ASPH: variants seen among roughly 807,000 people sequenced by gnomAD.
The protein encoded by ASPH is aspartate beta-hydroxylase, also known as aspartyl/asparaginyl beta-hydroxylase.
A neutral mutation model predicts 118.4 loss-of-function variants in ASPH; 100 were observed. The ratio of observed to expected loss-of-function variants is 0.84; its 90% CI spans 0.72 to 1.00. ASPH has a LOEUF of 1.00. Among genes scored for constraint, ASPH ranks in the 50% least tolerant of loss-of-function variants. The pLI is 0.00. For synonymous variants in ASPH, 315 were observed against 325.6 expected, an observed-to-expected ratio of 0.97 and a Z score of 0.35; for missense variants, 920 against 919.5, an observed-to-expected ratio of 1.00 and a Z score of -0.01.
intron 21 of ASPH, among the ~76,000 whole-genome samples, chr8:61,537,990 T>C (rs1245043899): frequency 1.3e-5 from 2 of 152,248 alleles, no homozygotes; most frequent in Admixed American, 1.3e-4. Context: ...CTCAGCCGTG[T>C]GGACTCTTAT....
intron 13 of ASPH, chr8:61,626,080 G>T (rs1351101700): frequency 8.0e-7 from 1 of 1,244,068 alleles, no homozygotes; most frequent in African/African-American, 1.6e-5. Context: ...TTTTAGAAAT[G>T]TGTGTTTCTA....
At chr8:61,614,392 C>T (rs1480313325) in intron 14 of ASPH, among the ~76,000 whole-genome samples, 1 of 152,202 alleles carries the variant, frequency 6.6e-6, no homozygotes, top group African/African-American at 2.4e-5. Context: ...CAAATCCCAA[C>T]TGATAACTGA....
At chr8:61,605,482 TG>T (rs1436237285) in intron 14 of ASPH, among the ~76,000 whole-genome samples, 2 of 152,184 alleles carry the variant, frequency 1.3e-5, no homozygotes, top group African/African-American at 4.8e-5. Context: ...CCAGGAGACT[TG>T]TTCAAGATGA....
At chr8:61,619,184 C>T (rs981782588) in intron 13 of ASPH, among the ~76,000 whole-genome samples, 165 bp from the exon 14 acceptor site, 9 of 152,098 alleles carry the variant, frequency 5.9e-5, no homozygotes, top group African/African-American at 2.4e-5. Context: ...ACATGAAGTT[C>T]ATTAGAAAAG....
rs1467116669 is a variant in ASPH at position 61,578,626 on chromosome 8, T to C, written c.1063-1768A>G. The stretch of plus-strand genomic sequence containing the variant: ...CAGCAGAAGATGGCTCGGAGCAACA[T>C]GGACAACATGTTCGAGAGCTACATC... On this transcript the variant is annotated intron_variant, in intron 15 of 24. Transcript: ENST00000379454. 13 of 1,564,100 alleles carry C rather than the reference T, an allele frequency of 8.3e-6. No homozygotes were observed. In the East Asian group the frequency reaches 2.2e-4, roughly 27 times the overall value.
intron 21 of ASPH, among the ~76,000 whole-genome samples, chr8:61,528,653 G>A (rs757198613): frequency 2.6e-5 from 4 of 152,132 alleles, no homozygotes; most frequent in Non-Finnish European, 5.9e-5. Context: ...TAAAGTGATT[G>A]CATCACTCAA....
chr8:61,530,808 G>A (rs560468917), intron 21 of ASPH, among the ~76,000 whole-genome samples: 13 of 152,006 alleles, frequency 8.6e-5, no homozygotes, highest in Middle Eastern at 3.4e-3. Flanking sequence ...TATAACTCCC[G>A]GCTAATTATT....
At chr8:61,553,500 C>T (rs997519845) in intron 19 of ASPH, among the ~76,000 whole-genome samples, 4 of 152,152 alleles carry the variant, frequency 2.6e-5, no homozygotes, top group African/African-American at 9.7e-5. Flanking sequence ...CTTTTTATTC[C>T]TAAACCAAAA....
chr8:61,579,597 G>T (rs1836729423), intron 15 of ASPH: 1 of 1,524,854 alleles, frequency 6.6e-7, no homozygotes, highest in East Asian at 2.2e-5. Flanking sequence ...TTCCTCCAGG[G>T]CCGTGGTTGT....
intron 3 of ASPH, chr8:61,663,756 T>C (rs927203106): frequency 1.5e-5 from 15 of 971,902 alleles, no homozygotes; most frequent in African/African-American, 3.5e-5. Flanking sequence ...TTGGAGATAT[T>C]AGATATTCTC....
At chr8:61,603,191 CAA>C (rs11336705) in intron 14 of ASPH, among the ~76,000 whole-genome samples, 2,633 of 61,526 alleles carry the variant, frequency 0.043, 97 homozygotes, top group African/African-American at 0.13. Flanking sequence ...AGACTTGTCT[CAA>C]AAAAAAAAAA....
intron 3 of ASPH, chr8:61,662,725 C>G (rs891020116): frequency 1.1e-5 from 5 of 466,958 alleles, no homozygotes; most frequent in Non-Finnish European, 1.4e-5. Context: ...AAGTTCTAGT[C>G]TACAAGTGCT....
intron 22 of ASPH, among the ~76,000 whole-genome samples, chr8:61,521,758 C>A (rs1390711300): frequency 6.6e-6 from 1 of 152,186 alleles, no homozygotes; most frequent in Non-Finnish European, 1.5e-5. Flanking sequence ...GATCTAACAG[C>A]CAATGCAAAT....
chr8:61,533,541 A>G (rs1818369905), intron 21 of ASPH, among the ~76,000 whole-genome samples: 1 of 152,222 alleles, frequency 6.6e-6, no homozygotes, highest in African/African-American at 2.4e-5. Flanking sequence ...AATTGAGACT[A>G]CAATTGGACA....
In ASPH at chr8:61,503,086, G is replaced by A. The variant is rs1805206590; in HGVS notation, c.*273C>T. 3.3e-6 allele frequency: 1 copy of A among 300,198 alleles called. No individual in the cohort carries two copies. The highest frequency in any genetic ancestry group is 2.2e-5 in the African/African-American group (1 of 46,452). 18.6% of individuals were successfully genotyped at this position (300,198 alleles called of 1,614,324 possible). On this transcript the variant is annotated 3_prime_UTR_variant, in exon 25 of 25. Coordinates refer to ENST00000379454, the MANE Select transcript of ASPH (RefSeq NM_004318.4). ...TATGTGGAAAAAATATCTTTGGCTG[G>A]TAAGGTAGAAGCTATCAAATGTTCA...
intron 3 of ASPH, chr8:61,664,136 T>C (rs1818317405): frequency 1.0e-6 from 1 of 966,756 alleles, no homozygotes; most frequent in Non-Finnish European, 1.2e-6. Flanking sequence ...TATTTAATAT[T>C]TGAGGCACAG....
At chr8:61,584,635 C>CTTTT (rs1386742436) in intron 14 of ASPH, among the ~76,000 whole-genome samples, 1 of 34,564 alleles carries the variant, frequency 2.9e-5, no homozygotes, top group Middle Eastern at 0.016. Context: ...TTCTTTCCTT[C>CTTTT]TTTCTTTCTT....
At chr8:61,622,827 G>A (rs1351853653) in intron 13 of ASPH, among the ~76,000 whole-genome samples, 1 of 152,166 alleles carries the variant, frequency 6.6e-6, no homozygotes, top group African/African-American at 2.4e-5. Flanking sequence ...AGAAAACTCA[G>A]CTCCCTGACA....
chr8:61,562,764 C>T lies in ASPH; in HGVS notation c.1417G>A (p.Ala473Thr). 6.2e-7 allele frequency: 1 copy of T among 1,607,082 alleles called. No individual in the cohort carries two copies. The highest frequency in any genetic ancestry group is 8.5e-7 in the Non-Finnish European group (1 of 1,177,570). The change falls in exon 18 of 25, where the codon GCA becomes ACA. Residue 473 changes from alanine to threonine, a missense_variant. By Grantham distance (58) the Ala-to-Thr change is moderately conservative (BLOSUM62 0). Transcript: ENST00000379454. ...CTTACCTCTTCATAAACTTTCTTTG[C>T]ATTGTCATTATCTCCTATCAAGAGG... Reference protein sequence around the residue: ...GYLLIGDNDNAKKVYEEVLSV... With the variant: ...GYLLIGDNDNTKKVYEEVLSV...
Sources: allele counts gnomAD v4.1 joint callset (sites outside exome capture counted in the v4.1 genomes callset), GRCh38; gene constraint gnomAD v4.1.1; transcripts MANE v1.5; gene names NCBI Gene and HGNC (gene_info 2026-07-23, HGNC 2026-07-21).